Variants in PDS5B observed in about 807,000 individuals in gnomAD.
PDS5B encodes the protein sister chromatid cohesion protein PDS5 homolog B.
Under a neutral mutation model 184.1 loss-of-function variants are expected in PDS5B, and 51 were observed. The observed-to-expected ratio is 0.28, with a 90% CI of 0.22 to 0.35. PDS5B has a LOEUF of 0.35. Ranked by LOEUF, PDS5B falls within the 10% of genes least tolerant of loss-of-function variation. The pLI is 1.00. For synonymous variants in PDS5B, 566 were observed against 569.2 expected (o/e 0.99, Z 0.08); for missense variants, 1,180 against 1,723.3 (o/e 0.68, Z 5.58).
intron 1 of PDS5B, among the ~76,000 whole-genome samples, chr13:32,623,631 A>G (rs1047496146): frequency 2.0e-5 from 3 of 152,144 alleles, no homozygotes; most frequent in Admixed American, 1.3e-4. Flanking sequence ...TTCGCAAGGC[A>G]GGTTTCATAC....
chr13:32,760,625 A>G lies in PDS5B; in HGVS notation c.3423A>G (p.Ala1141=). The G allele has an allele frequency of 6.2e-7, 1 of 1,614,056 alleles. No homozygotes were observed. Among genetic ancestry groups the G allele is most frequent in the Non-Finnish European group, 8.5e-7 (1 of 1,179,902 alleles). ...CTGTTAACAAGCCACTTTCATCAGC[A>G]GGCAAGCAATCTCAGACCAAATCAT... ...LGAVNKPLSS[A]GKQSQTKSSR... The change falls in exon 30 of 35, where the codon GCA becomes GCG. Residue 1141 remains alanine (A), a synonymous_variant. Coordinates refer to ENST00000315596, the MANE Select transcript of PDS5B (RefSeq NM_015032.4).
intron 1 of PDS5B, among the ~76,000 whole-genome samples, chr13:32,616,807 A>G (rs1308427111): frequency 6.6e-6 from 1 of 152,038 alleles, no homozygotes; most frequent in African/African-American, 2.4e-5. Context: ...GAACACTCTC[A>G]TTTTTCAGTT....
intron 1 of PDS5B, among the ~76,000 whole-genome samples, chr13:32,624,144 C>T (rs1374946586): frequency 6.6e-6 from 1 of 152,170 alleles, no homozygotes; most frequent in Non-Finnish European, 1.5e-5. Flanking sequence ...CAACACTCCC[C>T]TTCCAACTTC....
At chr13:32,682,160 C>G (rs1424726243) in intron 10 of PDS5B, among the ~76,000 whole-genome samples, 2 of 152,060 alleles carry the variant, frequency 1.3e-5, no homozygotes, top group Non-Finnish European at 2.9e-5. Flanking sequence ...ATATCAGAGT[C>G]TGTTCTACAG....
chr13:32,715,099 C>T (rs1229535069), intron 19 of PDS5B, among the ~76,000 whole-genome samples: 1 of 152,212 alleles, frequency 6.6e-6, no homozygotes, highest in East Asian at 1.9e-4. Context: ...TTTGGGGTCC[C>T]TGACTTCCTG....
At chr13:32,691,885 G>A (rs904554691) in intron 13 of PDS5B, among the ~76,000 whole-genome samples, 2 of 151,938 alleles carry the variant, frequency 1.3e-5, no homozygotes, top group Non-Finnish European at 2.9e-5. Context: ...AATCTTATGA[G>A]TATCAAATTT....
At chr13:32,716,986 G>A (rs1247620958) in intron 19 of PDS5B, among the ~76,000 whole-genome samples, 6 of 124,780 alleles carry the variant, frequency 4.8e-5, no homozygotes, top group Admixed American at 1.5e-4. Context: ...TCAGTCCCCC[G>A]CCCGGCCAGC....
At chr13:32,753,178 T>G (rs139437703) in intron 24 of PDS5B, among the ~76,000 whole-genome samples, 154 bp from the exon 25 acceptor site, 1 of 152,244 alleles carries the variant, frequency 6.6e-6, no homozygotes, top group Non-Finnish European at 1.5e-5. Context: ...AAATGAACTT[T>G]AGTCACAACA....
rs539627081 is a variant in PDS5B at position 32,632,377 on chromosome 13, A to G, written c.-19-16377A>G. Among the ~76,000 whole-genome samples, 3 of 152,348 alleles carry G rather than the reference A, an allele frequency of 2.0e-5. No homozygotes were observed. The South Asian group carries it at 6.2e-4, about 32-fold the overall frequency. On this transcript the variant is annotated intron_variant, in intron 1 of 34. Transcript: ENST00000315596. The stretch of plus-strand genomic sequence containing the variant: ...ATGATCTTGAATAGACATTTTTCCA[A>G]AGATACACAAATAGACCTGTAAGCA...
At chr13:32,696,962 T>G in intron 15 of PDS5B, 60 bp downstream of exon 15, 1 of 1,074,420 alleles carries the variant, frequency 9.3e-7, no homozygotes, top group Non-Finnish European at 1.4e-6. Flanking sequence ...TTTTATAATT[T>G]TAAGTGTTTC....
At chr13:32,679,010 C>T (rs1167178117) in intron 10 of PDS5B, 81 bp downstream of exon 10, 2 of 676,504 alleles carry the variant, frequency 3.0e-6, no homozygotes, top group Non-Finnish European at 5.2e-6. Context: ...AAAAAAAACC[C>T]CTTTTTTCGG....
intron 19 of PDS5B, among the ~76,000 whole-genome samples, chr13:32,711,143 C>T (rs766239524): frequency 3.3e-5 from 5 of 151,700 alleles, no homozygotes; most frequent in Non-Finnish European, 5.9e-5. Context: ...CAGGCACACG[C>T]CCCCATGCCC....
chr13:32,618,579 G>A (rs1044075702), intron 1 of PDS5B, among the ~76,000 whole-genome samples: 1 of 152,024 alleles, frequency 6.6e-6, no homozygotes, highest in African/African-American at 2.4e-5. Flanking sequence ...TGGTGGTCCT[G>A]GAGAAGGTCA....
chr13:32,611,977 C>T (rs1414700800), intron 1 of PDS5B, among the ~76,000 whole-genome samples: 1 of 151,992 alleles, frequency 6.6e-6, no homozygotes, highest in Non-Finnish European at 1.5e-5. Flanking sequence ...TGAATACTCT[C>T]ATATTCAGTA....
At chr13:32,713,744 C>T (rs181287536) in intron 19 of PDS5B, among the ~76,000 whole-genome samples, 3 of 151,988 alleles carry the variant, frequency 2.0e-5, no homozygotes, top group African/African-American at 7.3e-5. Flanking sequence ...GGAAAATATT[C>T]AAGAAAATAA....
At chr13:32,716,497 C>G (rs1458503633) in intron 19 of PDS5B, among the ~76,000 whole-genome samples, 10 of 151,892 alleles carry the variant, frequency 6.6e-5, no homozygotes, top group African/African-American at 2.4e-4. Context: ...AGGAGCGCCT[C>G]CGCCCAGCAG....
chr13:32,654,386 A>T (rs984487838), intron 3 of PDS5B, among the ~76,000 whole-genome samples: 1 of 152,218 alleles, frequency 6.6e-6, no homozygotes, highest in Admixed American at 6.5e-5. Flanking sequence ...TGGTGAGGTT[A>T]TAAGTGACTG....
chr13:32,773,564 T>C (rs1954861748), intron 34 of PDS5B, among the ~76,000 whole-genome samples: 1 of 152,172 alleles, frequency 6.6e-6, no homozygotes, highest in Non-Finnish European at 1.5e-5. Context: ...AGCATTCTAA[T>C]ATTGACACTT....
At chr13:32,730,733 T>C (rs1204806547) in intron 19 of PDS5B, among the ~76,000 whole-genome samples, 1 of 152,160 alleles carries the variant, frequency 6.6e-6, no homozygotes, top group Non-Finnish European at 1.5e-5. Context: ...TCACTCATGA[T>C]TTGGCTCTCT....
Sources: gnomAD v4.1 joint callset for allele counts (sites outside exome capture counted in the v4.1 genomes callset) on GRCh38, gnomAD v4.1.1 for gene constraint, MANE v1.5 for transcripts, NCBI Gene and HGNC (gene_info 2026-07-23, HGNC 2026-07-21) for gene names.